Variants in DOCK7 observed in about 807,000 individuals in gnomAD.
The protein encoded by DOCK7 is dedicator of cytokinesis 7, also known as dedicator of cytokinesis protein 7.
In DOCK7, 138 loss-of-function variants were observed where a neutral mutation model predicts 271.0. The ratio of observed to expected loss-of-function variants is 0.51; its 90% confidence interval spans 0.44 to 0.59. The LOEUF (loss-of-function observed/expected upper bound fraction) is 0.59. Among genes scored for constraint, DOCK7 ranks in the 20% least tolerant of loss-of-function variants. DOCK7 has a pLI of 0.00. For missense variants in DOCK7, 2,066 were observed against 2,592.4 expected, an observed-to-expected ratio of 0.80 and a Z score of 4.41; for synonymous variants, 823 against 876.1, an observed-to-expected ratio of 0.94 and a Z score of 1.07.
intron 15 of DOCK7, 143 bp downstream of exon 15, chr1:62,586,364 A>G (rs991498641): frequency 1.9e-5 from 11 of 589,510 alleles, no homozygotes; most frequent in Non-Finnish European, 3.0e-5. Context: ...TGTCATTACT[A>G]TCTATACAGA....
intron 12 of DOCK7, among the ~76,000 whole-genome samples, chr1:62,622,455 A>T (rs1464519490): frequency 6.6e-6 from 1 of 151,640 alleles, no homozygotes; most frequent in Non-Finnish European, 1.5e-5. Context: ...CACACATTTT[A>T]TTTATTTATT....
At chr1:62,500,405 A>G (rs191166575) in intron 37 of DOCK7, among the ~76,000 whole-genome samples, 3 of 152,270 alleles carry the variant, frequency 2.0e-5, no homozygotes, top group Admixed American at 2.0e-4. Flanking sequence ...AAAAGTGTTA[A>G]AAAGGAGAAG....
rs142153636 is a variant in DOCK7 at position 62,571,970 on chromosome 1, G to C, written c.2112+5292C>G. ...AATGCATGCTGGGCTTAATACTTAG[G>C]TGATGGGTTGATAGGTGCGGCAAAT... On this transcript the variant is annotated intron_variant, in intron 18 of 49. Transcript: ENST00000635253. 3.8e-3 allele frequency among the ~76,000 whole-genome samples: 577 copies of C among 152,218 alleles called. 6 individuals carry two copies. The highest frequency in any genetic ancestry group is 0.013 in the African/African-American group (525 of 41,532).
In DOCK7 at chr1:62,494,486, C is replaced by A. The variant is rs368261576; in HGVS notation, c.5025-19G>T. The A allele has an allele frequency of 1.1e-5, 17 of 1,585,896 alleles. No individual in the cohort carries two copies. Among genetic ancestry groups the A allele is most frequent in the Non-Finnish European group, 1.4e-5 (16 of 1,158,542 alleles). ...GGCAATTCTAATTAGAACAGAAATT[C>A]TTCTCCATTAGTATGTGCTTCCCAA... On this transcript the variant is annotated intron_variant, in intron 39 of 49. Coordinates refer to ENST00000635253, the MANE Select transcript of DOCK7 (RefSeq NM_001367561.1).
At chr1:62,544,586 T>G (rs562563393) in intron 23 of DOCK7, among the ~76,000 whole-genome samples, 2 of 152,012 alleles carry the variant, frequency 1.3e-5, no homozygotes, top group Non-Finnish European at 2.9e-5. Context: ...CAAAAGCAAA[T>G]AGAAAACTGT....
intron 15 of DOCK7, chr1:62,584,059 T>C (rs943286178): frequency 2.6e-6 from 2 of 775,028 alleles, no homozygotes; most frequent in African/African-American, 3.8e-5. Flanking sequence ...TACATATGCA[T>C]GAATAGATAT....
intron 14 of DOCK7, among the ~76,000 whole-genome samples, chr1:62,612,316 A>C (rs116480115): frequency 6.6e-6 from 1 of 152,202 alleles, no homozygotes; most frequent in Admixed American, 6.5e-5. Context: ...AAGTTAATTA[A>C]TCTGTTCTCT....
chr1:62,680,267 G>A (rs1660969854), intron 1 of DOCK7, among the ~76,000 whole-genome samples: 1 of 152,118 alleles, frequency 6.6e-6, no homozygotes, highest in African/African-American at 2.4e-5. Flanking sequence ...TGACAAACCT[G>A]ACAAAAACAA....
At chr1:62,586,105 C>T (rs920561622) in intron 15 of DOCK7, among the ~76,000 whole-genome samples, 5 of 152,136 alleles carry the variant, frequency 3.3e-5, no homozygotes, top group African/African-American at 1.2e-4. Context: ...TCACTTCCCA[C>T]CTCCTTAGCT....
Position 62,654,091 on chromosome 1 carries a change from CACAGCCAAAGGATGAGT to C in DOCK7, c.196_212del (p.Thr66GlyfsTer10). The C allele has an allele frequency of 6.2e-7, 1 of 1,613,974 alleles. No individual in the cohort carries two copies. On this transcript the variant is annotated frameshift_variant, in exon 3 of 50. Transcript: ENST00000635253. LOFTEE classifies it high-confidence loss of function. ...TCAAATCCCGTAAAGGCCCAGAATC[CACAGCCAAAGGATGAGT>C]AATGAGGTAATCTTCCAAATCCACT...
In DOCK7 at chr1:62,653,246, A is replaced by T. The variant is rs570261668; in HGVS notation, c.389+479T>A. ...AAATAAATTTTGGCTAGAACAAAAC[A>T]TTATTTTTTACAAATATTTACCTGA... On this transcript the variant is annotated intron_variant, in intron 4 of 49. Transcript: ENST00000635253. Among the ~76,000 whole-genome samples, 41 of 152,288 alleles carry T rather than the reference A, an allele frequency of 2.7e-4. No homozygotes were observed. The South Asian group carries it at 8.5e-3, about 32-fold the overall frequency.
At chr1:62,497,828 T>A (rs1646665925) in intron 37 of DOCK7, among the ~76,000 whole-genome samples, 1 of 152,184 alleles carries the variant, frequency 6.6e-6, no homozygotes, top group African/African-American at 2.4e-5. Flanking sequence ...AATTAAAGAA[T>A]TCAACTCAGT....
intron 29 of DOCK7, chr1:62,531,016 G>A (rs1163055096): frequency 6.6e-6 from 1 of 152,248 alleles, no homozygotes; most frequent in Non-Finnish European, 1.5e-5. Context: ...TTTAAACATT[G>A]TCAAGAACCA....
intron 48 of DOCK7, among the ~76,000 whole-genome samples, chr1:62,472,179 C>T (rs1645850212): frequency 6.6e-6 from 1 of 152,140 alleles, no homozygotes; most frequent in Non-Finnish European, 1.5e-5. Context: ...TCTCGGCTCA[C>T]TGTAACCTCC....
At chr1:62,475,158 C>A in intron 47 of DOCK7, 50 bp downstream of exon 47, 2 of 1,533,916 alleles carry the variant, frequency 1.3e-6, no homozygotes, top group South Asian at 1.3e-5. Context: ...GAAATTATCC[C>A]AAATCGTATT....
chr1:62,686,971 G>C (rs1243145069), intron 1 of DOCK7, among the ~76,000 whole-genome samples: 2 of 151,924 alleles, frequency 1.3e-5, no homozygotes, highest in Non-Finnish European at 2.9e-5. Context: ...GGGGTGGGGG[G>C]GACTCGCTAT....
chr1:62,455,616 A>G, intron 49 of DOCK7, 160 bp from the exon 50 acceptor site: 2 of 651,736 alleles, frequency 3.1e-6, no homozygotes, highest in East Asian at 2.8e-5. Flanking sequence ...TCTGCCTTAT[A>G]TTTTGGCTTA....
At chr1:62,550,865 C>T (rs1475358154) in intron 22 of DOCK7, among the ~76,000 whole-genome samples, 2 of 151,824 alleles carry the variant, frequency 1.3e-5, no homozygotes, top group African/African-American at 4.8e-5. Flanking sequence ...GGATTACAGG[C>T]ATCTGCCGCC....
chr1:62,476,017 G>C, intron 45 of DOCK7, 50 bp downstream of exon 45: 2 of 1,600,892 alleles, frequency 1.2e-6, no homozygotes, highest in Non-Finnish European at 1.7e-6. Context: ...AAATTGCACA[G>C]AGGATTTCAA....
Sources: gnomAD v4.1 joint callset for allele counts (sites outside exome capture counted in the v4.1 genomes callset) on GRCh38, gnomAD v4.1.1 for gene constraint, MANE v1.5 for transcripts, NCBI Gene and HGNC (gene_info 2026-07-23, HGNC 2026-07-21) for gene names.